DDX3X: variants seen among roughly 807,000 people sequenced by gnomAD.
The protein encoded by DDX3X is DEAD-box helicase 3 X-linked, also known as ATP-dependent RNA helicase DDX3X.
A neutral mutation model predicts 52.7 loss-of-function variants in DDX3X; 4 were observed. The observed-to-expected ratio is 0.08, with a 90% CI of 0.04 to 0.17. DDX3X has a LOEUF of 0.17. Among genes scored for constraint, DDX3X ranks in the 10% least tolerant of loss-of-function variants. The probability of loss-of-function intolerance (pLI) is 1.00; values close to 1 mark genes in which losing one functional copy is unlikely to be tolerated. For synonymous variants in DDX3X, 192 were observed against 178.1 expected, an observed-to-expected ratio of 1.08 and a Z score of -0.62; for missense variants, 222 against 548.6, an observed-to-expected ratio of 0.40 and a Z score of 5.95.
At position 41,344,334 on chromosome X, in the gene DDX3X, A is replaced by G. The variant is rs1267447403; in HGVS notation, c.960A>G (p.Leu320=). Residue 320 remains leucine (L), a synonymous_variant, in exon 10 of 17, where the codon TTA becomes TTG. Coordinates refer to ENST00000644876, the MANE Select transcript of DDX3X (RefSeq NM_001356.5). ...IRDLERGCHL[L]VATPGRLVDM... is the part of the protein sequence containing the mutation. ...ACTTGGAACGTGGATGCCATTTGTTAGTAGCCACTCCAGGACGTCTAGTGG... is the reference window on the plus strand; with the variant it reads ...ACTTGGAACGTGGATGCCATTTGTTGGTAGCCACTCCAGGACGTCTAGTGG... The G allele has an allele frequency of 8.3e-7, 1 of 1,211,908 alleles. No individual in the cohort carries two copies. Among genetic ancestry groups the G allele is most frequent in the African/African-American group, 1.7e-5 (1 of 57,915 alleles).
rs149975254 is a variant in DDX3X at position 41,345,699 on chromosome X, C to T, written c.1315+151C>T. On this transcript the variant is annotated intron_variant, in intron 12 of 16. Coordinates refer to ENST00000644876, the MANE Select transcript of DDX3X (RefSeq NM_001356.5). ...TGTTTCTGACCTGGGCCTGTTCACCCCTCCTTAGGCAACCTGGTGCTCCCT... is the reference window on the plus strand; with the variant it reads ...TGTTTCTGACCTGGGCCTGTTCACCTCTCCTTAGGCAACCTGGTGCTCCCT... The T allele has an allele frequency of 0.025, 12,372 of 486,782 alleles. 169 individuals are homozygous for T. The highest frequency in any genetic ancestry group is 0.056 in the South Asian group (1,327 of 23,827). The allele number at this position is 486,782 out of a possible 1,213,427, so 40.1% of individuals were successfully genotyped here.
intron 2 of DDX3X, 22 bp from the exon 3 acceptor site, chrX:41,339,014 A>T (rs748261139): frequency 2.6e-5 from 16 of 616,788 alleles, no homozygotes; most frequent in South Asian, 1.8e-4. Flanking sequence ...AATTAATTTT[A>T]TATATATATA....
chrX:41,358,563 G>T (rs748543047), intron 5 of DDX3X, among the ~76,000 whole-genome samples: 1 of 111,128 alleles, frequency 9.0e-6, no homozygotes. Flanking sequence ...TTACCTTAAT[G>T]TCCCAGGATT....
At position 41,347,364 on chromosome X, in the gene DDX3X, G is replaced by A. The variant is rs781633738; in HGVS notation, c.1822G>A (p.Ala608Thr). ...GARDYRQSSG[A>T]SSSSFSSSRA... ...CAGAGACTACCGACAAAGTAGCGGTGCCAGCAGTTCCAGCTTCAGCAGCAG... is the reference window on the plus strand; with the variant it reads ...CAGAGACTACCGACAAAGTAGCGGTACCAGCAGTTCCAGCTTCAGCAGCAG... The change falls in exon 16 of 17, where the codon GCC becomes ACC. Residue 608 changes from alanine (A) to threonine (T), a missense_variant. Transcript: ENST00000644876. 78 of 1,210,111 alleles carry A rather than the reference G, an allele frequency of 6.4e-5. No individual in the cohort carries two copies. Among genetic ancestry groups the A allele is most frequent in the Non-Finnish European group, 1.1e-6 (1 of 895,191 alleles).
chrX:41,352,394 C>T (rs1049856526), downstream of DDX3X, among the ~76,000 whole-genome samples: 4 of 111,614 alleles, frequency 3.6e-5, no homozygotes, highest in Non-Finnish European at 5.6e-5. Flanking sequence ...GCTGGAGATC[C>T]TCCATTCACT....
chrX:41,339,580 A>G (rs1032571657), intron 3 of DDX3X: 1 of 112,524 alleles, frequency 8.9e-6, no homozygotes, highest in African/African-American at 3.2e-5. Flanking sequence ...ATGTATTACA[A>G]TATCTGGTGT....
downstream of DDX3X, chrX:41,351,121 A>T (rs1798192671): frequency 1.8e-5 from 2 of 111,695 alleles, no homozygotes; most frequent in Middle Eastern, 4.7e-3. Context: ...TGGGATTGCT[A>T]GATTGGATAG....
At chrX:41,339,276 C>T in intron 3 of DDX3X, 193 bp downstream of exon 3, 1 of 214,520 alleles carries the variant, frequency 4.7e-6, no homozygotes, top group Non-Finnish European at 8.8e-6. Context: ...GTGGGAAATT[C>T]GGCATTCCTA....
intron 3 of DDX3X, 131 bp downstream of exon 3, chrX:41,339,214 G>T (rs888023953): frequency 3.2e-5 from 9 of 280,789 alleles, no homozygotes; most frequent in African/African-American, 2.5e-4. Context: ...GTCAGCCTTG[G>T]TTCAAATACT....
chrX:41,361,472 A>T (rs2064029708), intron 5 of DDX3X, among the ~76,000 whole-genome samples: 1 of 111,045 alleles, frequency 9.0e-6, no homozygotes, highest in Admixed American at 9.7e-5. Context: ...AGATCATGCC[A>T]CTGCACTCCA....
intron 6 of DDX3X, 101 bp downstream of exon 6, chrX:41,342,937 G>C: frequency 2.9e-6 from 2 of 693,318 alleles, no homozygotes; most frequent in Admixed American, 3.0e-5. Flanking sequence ...TAGACCAGAG[G>C]CTTCATAGAT....
intron 1 of DDX3X, 64 bp from the exon 2 acceptor site, chrX:41,337,321 TACTAGCAAATGCTAGAGGGCAGG>T (rs1471460280): frequency 1.3e-6 from 1 of 795,196 alleles, no homozygotes; most frequent in Non-Finnish European, 1.9e-6. Flanking sequence ...TTGAATGCAG[TACTAGCAAATGCTAGAGGGCAGG>T]ACTAGTTTTC....
rs755359362 is a variant in DDX3X, at chrX:41,347,361, G to A, written c.1819G>A (p.Gly607Ser). The change falls in exon 16 of 17, where the codon GGT (glycine) becomes AGT (serine). Residue 607 changes from glycine to serine, a missense_variant. Coordinates refer to ENST00000644876, the MANE Select transcript of DDX3X (RefSeq NM_001356.5). ...FGARDYRQSS[G>S]ASSSSFSSSR... ...TGCCAGAGACTACCGACAAAGTAGC[G>A]GTGCCAGCAGTTCCAGCTTCAGCAG... 37 of 1,209,829 alleles carry A rather than the reference G, an allele frequency of 3.1e-5. No individual in the cohort carries two copies. Among genetic ancestry groups the A allele is most frequent in the Non-Finnish European group, 3.8e-5 (34 of 895,010 alleles).
downstream of DDX3X, among the ~76,000 whole-genome samples, chrX:41,354,361 T>TTTTTTTTTTTTTG: frequency 9.7e-6 from 1 of 103,329 alleles, no homozygotes; most frequent in African/African-American, 3.6e-5. Flanking sequence ...TTTTTTTTTT[T>TTTTTTTTTTTTTG]GAGACAGGGT....
chrX:41,340,986 AT>A (rs1297855289), intron 3 of DDX3X: 14,957 of 201,175 alleles, frequency 0.074, 1 homozygote, highest in Middle Eastern at 0.12. Context: ...GTGTAAAGTA[AT>A]TTTTTTTTTT....
intron 10 of DDX3X, 102 bp from the exon 11 acceptor site, chrX:41,345,078 C>G (rs998518888): frequency 1.9e-5 from 15 of 793,027 alleles, no homozygotes; most frequent in South Asian, 2.4e-5. Context: ...TTGTAATAAC[C>G]TATACAATTG....
chrX:41,356,137 C>CTTTTT (rs768758470), intron 5 of DDX3X, among the ~76,000 whole-genome samples: 5 of 78,469 alleles, frequency 6.4e-5, no homozygotes, highest in African/African-American at 2.1e-4. Flanking sequence ...AATTTGTCAG[C>CTTTTT]TTTTTTTTTT....
intron 1 of DDX3X, chrX:41,334,919 T>G (rs2063740013): frequency 3.4e-6 from 1 of 293,662 alleles, no homozygotes; most frequent in Non-Finnish European, 5.0e-6. Context: ...GAGGATGGAA[T>G]GGGTTTCTTG....
chrX:41,338,958 C>T (rs2063808951), intron 2 of DDX3X, 78 bp from the exon 3 acceptor site: 4 of 409,505 alleles, frequency 9.8e-6, no homozygotes, highest in Non-Finnish European at 1.5e-5. Flanking sequence ...TTCCCAGAAC[C>T]ATTTTTTAGT....
Sources: allele counts gnomAD v4.1 joint callset (sites outside exome capture counted in the v4.1 genomes callset), GRCh38; gene constraint gnomAD v4.1.1; transcripts MANE v1.5; gene names NCBI Gene and HGNC (gene_info 2026-07-23, HGNC 2026-07-21).